The following PCDHGB2 variants were observed in gnomAD, a reference collection of about 807,000 sequenced individuals.
The protein encoded by PCDHGB2 is protocadherin gamma subfamily B, 2.
Under a neutral mutation model 59.3 loss-of-function variants are expected in PCDHGB2, and 55 were observed. The observed-to-expected ratio is 0.93, with a 90% confidence interval of 0.75 to 1.16. The LOEUF (loss-of-function observed/expected upper bound fraction) is 1.16, where lower values mean the gene tolerates loss of function less well. Ranked by LOEUF, PCDHGB2 falls within the 50% of genes most tolerant of loss-of-function variation. PCDHGB2 has a pLI of 0.00. For synonymous variants in PCDHGB2, 516 were observed against 512.0 expected (o/e 1.01, Z -0.11); for missense variants, 1,228 against 1,198.5 (o/e 1.02, Z -0.36).
chr5:141,382,795 T>C, intron 1 of PCDHGB2: 1 of 982,614 alleles, frequency 1.0e-6, no homozygotes, highest in South Asian at 1.7e-5. Flanking sequence ...TCTATCCTGC[T>C]GGATTCTGAG....
chr5:141,365,302 A>C (rs1763838303), intron 1 of PCDHGB2: 4 of 1,613,872 alleles, frequency 2.5e-6, no homozygotes, highest in Non-Finnish European at 2.5e-6. Context: ...CTCAGGATGG[A>C]GGCGCTCTTG....
At chr5:141,374,089 G>A in intron 1 of PCDHGB2, 1 of 1,532,432 alleles carries the variant, frequency 6.5e-7, no homozygotes, top group Non-Finnish European at 8.8e-7. Flanking sequence ...CAGTAATGGC[G>A]CCTCCGCAGA....
intron 1 of PCDHGB2, chr5:141,428,587 G>T: frequency 4.4e-6 from 1 of 226,768 alleles, no homozygotes; most frequent in Non-Finnish European, 8.9e-6. Context: ...AGTTTCTCTG[G>T]TAGCAAGCTT....
In PCDHGB2 at chr5:141,511,540, C is replaced by CTA; in HGVS notation, c.*367_*368insTA. ...ATCCCATGCCTCCCTCCTCCCCACC[C>CTA]CACTCCAACAGTTCCTCTTTCCCGA... On this transcript the variant is annotated 3_prime_UTR_variant, in exon 4 of 4. Transcript: ENST00000522605. 3.0e-6 allele frequency: 1 copy of CTA among 328,024 alleles called. No individual in the cohort carries two copies. Among genetic ancestry groups the CTA allele is most frequent in the South Asian group, 3.2e-5 (1 of 31,610 alleles). 20.3% of individuals were successfully genotyped at this position (328,024 alleles called of 1,614,324 possible). A position where few individuals can be genotyped will look rare whatever the true frequency, so the allele number is the denominator to read the frequency against.
At position 141,413,561 on chromosome 5, in the gene PCDHGB2, AT is replaced by A. The variant is rs1363955348; in HGVS notation, c.2421+51006del. The stretch of plus-strand genomic sequence containing the variant: ...TTTGGGATAGAAATAGAAGTAACTG[AT>A]ATCAATGACAATGCTCCAAAATTCC... On this transcript the variant is annotated intron_variant, in intron 1 of 3. Coordinates refer to ENST00000522605, the MANE Select transcript of PCDHGB2 (RefSeq NM_018923.3). The A allele has an allele frequency of 6.2e-6, 10 of 1,613,806 alleles. No individual in the cohort carries two copies. In the Admixed American group the frequency reaches 1.3e-4, roughly 22 times the overall value.
intron 1 of PCDHGB2, chr5:141,388,895 T>C (rs2150370716): frequency 6.2e-7 from 1 of 1,613,946 alleles, no homozygotes; most frequent in Non-Finnish European, 8.5e-7. Flanking sequence ...AAGTCATAGA[T>C]GAAAATGACA....
At position 141,421,915 on chromosome 5, in the gene PCDHGB2, C is replaced by T. The variant is rs751221129; in HGVS notation, c.2421+59359C>T. ...CATCCGAAAGGGCGCAGTTCCCATT[C>T]GTGTGGTGGTCCTCGATGTAAATGA... is the stretch of plus-strand genomic sequence containing the variant. On this transcript the variant is annotated intron_variant, in intron 1 of 3. Transcript: ENST00000522605. 18 of 1,613,504 alleles carry T rather than the reference C, an allele frequency of 1.1e-5. No individual in the cohort carries two copies. The South Asian group carries it at 1.5e-4, about 14-fold the overall frequency.
At chr5:141,372,252 G>A (rs768560692) in intron 1 of PCDHGB2, 4 of 1,613,140 alleles carry the variant, frequency 2.5e-6, no homozygotes, top group Admixed American at 1.7e-5. Context: ...GTTCAGCCTG[G>A]GCCTGCGCAC....
At chr5:141,370,529 G>C in intron 1 of PCDHGB2, 2 of 1,613,942 alleles carry the variant, frequency 1.2e-6, no homozygotes, top group Non-Finnish European at 1.7e-6. Context: ...ACAGGGGCTC[G>C]CTGGTAGGGA....
At chr5:141,384,987 G>A (rs775895766) in intron 1 of PCDHGB2, 14 of 1,614,114 alleles carry the variant, frequency 8.7e-6, no homozygotes, top group Non-Finnish European at 1.1e-5. Flanking sequence ...TGGTGGTGGC[G>A]GTGGCCACAG....
chr5:141,482,032 C>T (rs1370023352), intron 1 of PCDHGB2, among the ~76,000 whole-genome samples: 1 of 151,018 alleles, frequency 6.6e-6, no homozygotes, highest in African/African-American at 2.4e-5. Flanking sequence ...TTGCAGTGAG[C>T]CAAGATCATG....
intron 1 of PCDHGB2, chr5:141,372,311 C>T (rs1768644192): frequency 1.2e-6 from 2 of 1,613,416 alleles, no homozygotes; most frequent in South Asian, 2.2e-5. Flanking sequence ...AGGCCGCCCG[C>T]CAGCGCCTGC....
At chr5:141,403,092 A>C in intron 1 of PCDHGB2, 4 of 1,614,086 alleles carry the variant, frequency 2.5e-6, no homozygotes, top group Non-Finnish European at 3.4e-6. Flanking sequence ...ATTGTGGGCA[A>C]CATCTCCAAG....
At chr5:141,442,473 C>T (rs1435437337) in intron 1 of PCDHGB2, 1 of 152,240 alleles carries the variant, frequency 6.6e-6, no homozygotes, top group Non-Finnish European at 1.5e-5. Flanking sequence ...CAGAAAGCCC[C>T]TTGGGGAAGG....
chr5:141,423,374 G>T (rs1356564295), intron 1 of PCDHGB2: 2 of 1,614,188 alleles, frequency 1.2e-6, no homozygotes, highest in Admixed American at 1.7e-5. Context: ...CTGGCACTCA[G>T]GCTGTGGCGC....
chr5:141,503,616 A>G (rs1260134621), intron 2 of PCDHGB2, among the ~76,000 whole-genome samples: 2 of 150,944 alleles, frequency 1.3e-5, no homozygotes, highest in African/African-American at 2.4e-5. Context: ...AAAAAAAAAG[A>G]AAAAAGAAAA....
At chr5:141,509,094 T>C (rs1038935185) in intron 3 of PCDHGB2, among the ~76,000 whole-genome samples, 4 of 152,152 alleles carry the variant, frequency 2.6e-5, no homozygotes, top group African/African-American at 9.7e-5. Context: ...AAATGGGGGC[T>C]GTAGAAACCT....
chr5:141,478,499 G>A (rs77463374), intron 1 of PCDHGB2: 18 of 1,612,728 alleles, frequency 1.1e-5, no homozygotes, highest in African/African-American at 2.7e-5. Context: ...CTGTGATCCG[G>A]TGTTCTATAG....
intron 1 of PCDHGB2, chr5:141,392,860 T>G (rs726684): frequency 0.19 from 299,729 of 1,611,996 alleles, 30,027 homozygotes; most frequent in Admixed American, 0.35. Context: ...CTGATCCTGC[T>G]GTGCGCGCTG....
Sources: gnomAD v4.1 joint callset for allele counts (sites outside exome capture counted in the v4.1 genomes callset) on GRCh38, gnomAD v4.1.1 for gene constraint, MANE v1.5 for transcripts, NCBI Gene and HGNC (gene_info 2026-07-23, HGNC 2026-07-21) for gene names.